SLCO1B3: variants seen among roughly 807,000 people sequenced by gnomAD.
The protein encoded by SLCO1B3 is liver-specific organic anion transporter 2.
Under a neutral mutation model 71.8 loss-of-function variants are expected in SLCO1B3, and 72 were observed. The ratio of observed to expected loss-of-function variants is 1.00; its 90% CI spans 0.83 to 1.22. The LOEUF is 1.22. Among genes scored for constraint, SLCO1B3 ranks in the 50% most tolerant of loss-of-function variants. The pLI, the probability that SLCO1B3 is intolerant of heterozygous loss-of-function variation, is 0.00. For missense variants in SLCO1B3, 911 were observed against 819.7 expected, an observed-to-expected ratio of 1.11 and a Z score of -1.36; for synonymous variants, 298 against 278.4, an observed-to-expected ratio of 1.07 and a Z score of -0.70.
At chr12:20,839,810 T>C (rs1223379046) in intron 3 of SLCO1B3, among the ~76,000 whole-genome samples, 2 of 152,164 alleles carry the variant, frequency 1.3e-5, no homozygotes, top group African/African-American at 4.8e-5. Context: ...ACTTTTGTAG[T>C]TATCCCTTAG....
At chr12:20,818,564 G>C (rs771467456) in intron 3 of SLCO1B3, among the ~76,000 whole-genome samples, 2 of 152,182 alleles carry the variant, frequency 1.3e-5, no homozygotes, top group East Asian at 1.9e-4. Context: ...CGAGCTTGTT[G>C]TGTAGGGAAG....
At chr12:20,849,647 G>C (rs1864982553) in intron 3 of SLCO1B3, among the ~76,000 whole-genome samples, 1 of 150,470 alleles carries the variant, frequency 6.6e-6, no homozygotes, top group African/African-American at 2.4e-5. Flanking sequence ...GTAAAGAGAA[G>C]CCCAAAGAAT....
At chr12:20,831,746 G>A (rs1454629369) in intron 3 of SLCO1B3, among the ~76,000 whole-genome samples, 1 of 150,796 alleles carries the variant, frequency 6.6e-6, no homozygotes, top group African/African-American at 2.4e-5. Context: ...TGAATTAGGA[G>A]TATGCGCACA....
rs35410136 is a variant in SLCO1B3, at chr12:20,831,356, C to CAA, written c.84+15555_84+15556dup. Reference sequence around the variant, plus strand: ...TGGGTGACAGAGCGAGACGCCATATCAAAAAAAAAAAAAAAAAAAAAAGCC... The same window carrying CAA: ...TGGGTGACAGAGCGAGACGCCATATCAAAAAAAAAAAAAAAAAAAAAAAAGCC... On this transcript the variant is annotated intron_variant, in intron 3 of 15. Transcript: ENST00000381545. Among the ~76,000 whole-genome samples the CAA allele has an allele frequency of 6.0e-3, 547 of 91,104 alleles. 10 individuals carry two copies. Among genetic ancestry groups the CAA allele is most frequent in the South Asian group, 8.6e-3 (23 of 2,690 alleles). The allele number at this position is 91,104 out of a possible 152,430, so 59.8% of individuals were successfully genotyped here.
chr12:20,874,445 T>G (rs1262762578), intron 8 of SLCO1B3, among the ~76,000 whole-genome samples: 1 of 152,206 alleles, frequency 6.6e-6, no homozygotes, highest in Non-Finnish European at 1.5e-5. Flanking sequence ...ATATTACTGT[T>G]GAATCAGTAT....
At chr12:20,835,003 T>G (rs747910816) in intron 3 of SLCO1B3, among the ~76,000 whole-genome samples, 1 of 152,172 alleles carries the variant, frequency 6.6e-6, no homozygotes, top group African/African-American at 2.4e-5. Flanking sequence ...TCCTCTGAAA[T>G]CTAGGTGGAG....
chr12:20,852,176 A>G (rs1163264078), intron 3 of SLCO1B3, among the ~76,000 whole-genome samples: 2 of 151,996 alleles, frequency 1.3e-5, no homozygotes, highest in African/African-American at 4.8e-5. Flanking sequence ...TGTTTTTTCT[A>G]TTTCTATACA....
At chr12:20,835,253 G>A (rs1864654030) in intron 3 of SLCO1B3, among the ~76,000 whole-genome samples, 1 of 152,142 alleles carries the variant, frequency 6.6e-6, no homozygotes, top group Admixed American at 6.5e-5. Flanking sequence ...GACCCGTGAT[G>A]GGCGTGGCTG....
chr12:20,815,853 A>G lies in SLCO1B3; in HGVS notation c.84+31A>G, dbSNP rs772574199. 6.3e-5 allele frequency: 90 copies of G among 1,436,034 alleles called. 1 individual carries two copies. Among genetic ancestry groups the G allele is most frequent in the Non-Finnish European group, 8.5e-5 (89 of 1,050,612 alleles). 89.0% of individuals were successfully genotyped at this position (1,436,034 alleles called of 1,614,324 possible). ...ATGGGTTTTATATTTTCAAACTAAA[A>G]TAAGTTAATGGAAAATTTTTATGTA... On this transcript the variant is annotated intron_variant, in intron 3 of 15. Coordinates refer to ENST00000381545, the MANE Select transcript of SLCO1B3 (RefSeq NM_019844.4).
At chr12:20,871,256 CA>C (rs1865470275) in intron 8 of SLCO1B3, among the ~76,000 whole-genome samples, 2 of 152,240 alleles carry the variant, frequency 1.3e-5, no homozygotes, top group East Asian at 3.9e-4. Context: ...ATAGTATTGG[CA>C]TTAATTATTT....
At position 20,890,492 on chromosome 12, in the gene SLCO1B3, GGTAAAATGTTCT is replaced by G. The variant is rs555541319; in HGVS notation, c.1682+6914_1682+6925del. Reference sequence around the variant, plus strand: ...AAGAATGTATATTCTGAGGTTGTAGGGTAAAATGTTCTGTAAAATGTTCTGTAAAATGTTCGT... The same window carrying G: ...AAGAATGTATATTCTGAGGTTGTAGGGTAAAATGTTCTGTAAAATGTTCGT... On this transcript the variant is annotated intron_variant, in intron 13 of 15. Coordinates refer to ENST00000381545, the MANE Select transcript of SLCO1B3 (RefSeq NM_019844.4). Among the ~76,000 whole-genome samples, 476 of 152,238 alleles carry G rather than the reference GGTAAAATGTTCT, an allele frequency of 3.1e-3. 4 individuals carry two copies. The highest frequency in any genetic ancestry group is 0.025 in the South Asian group (122 of 4,822).
chr12:20,903,484 G>C (rs1404590709), intron 15 of SLCO1B3, among the ~76,000 whole-genome samples: 1 of 152,096 alleles, frequency 6.6e-6, no homozygotes, highest in Non-Finnish European at 1.5e-5. Context: ...AGTTCCACAG[G>C]CTTAACAAGA....
chr12:20,855,156 A>T lies in SLCO1B3; in HGVS notation c.213A>T (p.Gly71=). ...ISSSLAGLID[G]SFEIGNLLVI... ...CTTCTCTTGCTGGTTTAATTGATGG[A>T]AGCTTTGAAATTGGTAACTTTTATT... is the stretch of plus-strand genomic sequence containing the variant. Residue 71 remains glycine, a synonymous_variant, in exon 4 of 16, where the codon GGA becomes GGT. Coordinates refer to ENST00000381545, the MANE Select transcript of SLCO1B3 (RefSeq NM_019844.4). The T allele has an allele frequency of 1.2e-6, 2 of 1,604,388 alleles. No individual in the cohort carries two copies. Among genetic ancestry groups the T allele is most frequent in the Non-Finnish European group, 1.7e-6 (2 of 1,176,080 alleles).
intron 3 of SLCO1B3, among the ~76,000 whole-genome samples, chr12:20,825,806 A>G (rs1166688003): frequency 6.6e-6 from 1 of 150,994 alleles, no homozygotes; most frequent in Non-Finnish European, 1.5e-5. Flanking sequence ...CTCAAAAAAA[A>G]AAAAAAAAAA....
rs191755444 is a variant in SLCO1B3, at chr12:20,821,915, G to A, written c.84+6093G>A. The stretch of plus-strand genomic sequence containing the variant: ...AAACATGTCTCCTTTGTCTCTATCC[G>A]AAAATGAAAGGAATTGAAATTAAGA... On this transcript the variant is annotated intron_variant, in intron 3 of 15. Transcript: ENST00000381545. Among the ~76,000 whole-genome samples, 152 of 152,268 alleles carry A rather than the reference G, an allele frequency of 1.0e-3. 1 individual carries two copies. In the East Asian group the frequency reaches 0.016, roughly 16 times the overall value.
At chr12:20,893,278 A>G (rs1358474554) in intron 13 of SLCO1B3, among the ~76,000 whole-genome samples, 1 of 152,194 alleles carries the variant, frequency 6.6e-6, no homozygotes, top group East Asian at 1.9e-4. Context: ...TGGGAGCATA[A>G]TCTATATGAT....
chr12:20,896,891 C>A (rs1209141941), intron 13 of SLCO1B3, among the ~76,000 whole-genome samples: 3 of 152,068 alleles, frequency 2.0e-5, no homozygotes, highest in African/African-American at 4.8e-5. Context: ...TGGTCGAAGG[C>A]AAGGAGGCTC....
At chr12:20,849,711 TCACACA>T (rs146186543) in intron 3 of SLCO1B3, among the ~76,000 whole-genome samples, 10,470 of 126,300 alleles carry the variant, frequency 0.083, 652 homozygotes, top group East Asian at 0.19. Context: ...TAGTAGAAAA[TCACACA>T]CACACACACA....
intron 3 of SLCO1B3, among the ~76,000 whole-genome samples, chr12:20,831,938 G>A (rs2121133316): frequency 6.6e-6 from 1 of 152,226 alleles, no homozygotes; most frequent in East Asian, 1.9e-4. Flanking sequence ...CCATCAACCA[G>A]ATGTTATTAT....
Sources: allele counts gnomAD v4.1 joint callset (sites outside exome capture counted in the v4.1 genomes callset), GRCh38; gene constraint gnomAD v4.1.1; transcripts MANE v1.5; gene names NCBI Gene and HGNC (gene_info 2026-07-23, HGNC 2026-07-21).